The following EXOC4 variants were observed in gnomAD, a reference collection of about 807,000 sequenced individuals.
EXOC4 encodes exocyst complex component 4.
A neutral mutation model predicts 107.2 loss-of-function variants in EXOC4; 71 were observed. The observed-to-expected ratio is 0.66, with a 90% CI of 0.55 to 0.81. The LOEUF (loss-of-function observed/expected upper bound fraction) is 0.81, where lower values mean the gene tolerates loss of function less well. Among genes scored for constraint, EXOC4 ranks in the 30% least tolerant of loss-of-function variants. The pLI is 0.00. For missense variants in EXOC4, 1,108 were observed against 1,189.6 expected, an observed-to-expected ratio of 0.93 and a Z score of 1.01; for synonymous variants, 456 against 441.2, an observed-to-expected ratio of 1.03 and a Z score of -0.42.
At chr7:133,836,155 T>G (rs975814864) in intron 11 of EXOC4, among the ~76,000 whole-genome samples, 1 of 152,222 alleles carries the variant, frequency 6.6e-6, no homozygotes, top group Non-Finnish European at 1.5e-5. Flanking sequence ...ATGGGATAAT[T>G]ATTCTAAGTC....
intron 17 of EXOC4, among the ~76,000 whole-genome samples, chr7:134,048,390 A>C (rs142285585): frequency 6.6e-6 from 1 of 152,190 alleles, no homozygotes; most frequent in Non-Finnish European, 1.5e-5. Flanking sequence ...TTTAACTATA[A>C]GCTAAGTTTC....
At chr7:133,576,660 A>G (rs1000623871) in intron 9 of EXOC4, 5 of 1,289,766 alleles carry the variant, frequency 3.9e-6, no homozygotes, top group Non-Finnish European at 5.1e-6. Flanking sequence ...TTGAAAAAGA[A>G]ACAATCAGAA....
intron 6 of EXOC4, among the ~76,000 whole-genome samples, chr7:133,369,416 C>A (rs560425776): frequency 6.6e-6 from 1 of 152,254 alleles, no homozygotes; most frequent in Admixed American, 6.5e-5. Context: ...TCCACTGAAA[C>A]CCTTCTTGTC....
rs1258557449 is a variant in EXOC4 at position 133,406,238 on chromosome 7, A to T, written c.1182+31236A>T. The stretch of plus-strand genomic sequence containing the variant: ...AAACTTGAACCCAGGATAGGCTCCA[A>T]TTCCAAATCCCATGCCATTTTCTTA... On this transcript the variant is annotated intron_variant, in intron 7 of 17. Transcript: ENST00000253861. Among the ~76,000 whole-genome samples the T allele has an allele frequency of 2.6e-5, 4 of 152,348 alleles. No individual in the cohort carries two copies. In the East Asian group the frequency reaches 7.7e-4, roughly 29 times the overall value.
intron 9 of EXOC4, among the ~76,000 whole-genome samples, chr7:133,502,972 C>G (rs1404279392): frequency 6.6e-6 from 1 of 152,074 alleles, no homozygotes; most frequent in Non-Finnish European, 1.5e-5. Flanking sequence ...TCTTCATTGC[C>G]CTGTTTTCAT....
chr7:133,593,479 C>T (rs1454826805), intron 9 of EXOC4, among the ~76,000 whole-genome samples: 4 of 152,124 alleles, frequency 2.6e-5, no homozygotes, highest in South Asian at 4.1e-4. Flanking sequence ...GTAATTATAA[C>T]GTGTGCGATT....
rs1325227631 is a variant in EXOC4, at chr7:133,759,018, A to G, written c.1515-58307A>G. Among the ~76,000 whole-genome samples, 7 of 152,356 alleles carry G rather than the reference A, an allele frequency of 4.6e-5. No homozygotes were observed. The South Asian group carries it at 1.2e-3, about 27-fold the overall frequency. On this transcript the variant is annotated intron_variant, in intron 10 of 17. Transcript: ENST00000253861. ...GGAGAGGGACCACTATCATGTGGACAGAGTAGACAGTTTTAAATGTGATGA... is the reference window on the plus strand; with the variant it reads ...GGAGAGGGACCACTATCATGTGGACGGAGTAGACAGTTTTAAATGTGATGA...
chr7:134,000,033 G>A (rs1254613148), intron 15 of EXOC4, among the ~76,000 whole-genome samples: 1 of 152,200 alleles, frequency 6.6e-6, no homozygotes, highest in Non-Finnish European at 1.5e-5. Flanking sequence ...AGCCCTGGAT[G>A]TAGAATTATC....
chr7:133,736,204 A>C (rs917430723), intron 10 of EXOC4, among the ~76,000 whole-genome samples: 2 of 152,242 alleles, frequency 1.3e-5, no homozygotes, highest in African/African-American at 4.8e-5. Flanking sequence ...AGATCCTCTC[A>C]AGATACTCTT....
At chr7:133,768,554 T>A (rs1282634550) in intron 10 of EXOC4, 1 of 151,930 alleles carries the variant, frequency 6.6e-6, no homozygotes, top group Non-Finnish European at 1.5e-5. Context: ...CAAGATTAGT[T>A]AATGAACCTT....
At chr7:133,477,514 T>C (rs1439574488) in intron 8 of EXOC4, among the ~76,000 whole-genome samples, 1 of 152,224 alleles carries the variant, frequency 6.6e-6, no homozygotes, top group Admixed American at 6.5e-5. Flanking sequence ...TGAGTAACAT[T>C]CCTTTGTGTG....
At chr7:133,290,372 A>T (rs925736070) in intron 3 of EXOC4, among the ~76,000 whole-genome samples, 1 of 152,212 alleles carries the variant, frequency 6.6e-6, no homozygotes, top group African/African-American at 2.4e-5. Context: ...TCAGCATCTT[A>T]TTCAAAGTGG....
intron 13 of EXOC4, among the ~76,000 whole-genome samples, chr7:133,931,297 CAATA>C (rs34672656): frequency 0.46 from 69,897 of 151,336 alleles, 17,298 homozygotes; most frequent in African/African-American, 0.64. Flanking sequence ...AATAGTGGCT[CAATA>C]AATACTTGTT....
chr7:134,011,712 G>A (rs1367378131), intron 17 of EXOC4, among the ~76,000 whole-genome samples: 2 of 151,288 alleles, frequency 1.3e-5, no homozygotes, highest in Admixed American at 1.3e-4. Flanking sequence ...TTGCATTACT[G>A]TGGGGCAAGA....
At chr7:133,276,417 C>A (rs1793992942) in intron 2 of EXOC4, among the ~76,000 whole-genome samples, 1 of 152,158 alleles carries the variant, frequency 6.6e-6, no homozygotes, top group South Asian at 2.1e-4. Context: ...TTATTGAACA[C>A]TGATTCTTTG....
intron 10 of EXOC4, among the ~76,000 whole-genome samples, chr7:133,748,232 T>A (rs1795718316): frequency 6.6e-6 from 1 of 152,188 alleles, no homozygotes; most frequent in East Asian, 1.9e-4. Flanking sequence ...TCTACCATGA[T>A]AGTTAATACT....
intron 9 of EXOC4, among the ~76,000 whole-genome samples, chr7:133,489,224 G>A (rs912805102): frequency 1.3e-5 from 2 of 151,950 alleles, no homozygotes; most frequent in Non-Finnish European, 2.9e-5. Flanking sequence ...ATCTCGTGGG[G>A]ATTCAAAGAT....
chr7:133,686,061 A>G (rs1301497897), intron 10 of EXOC4, among the ~76,000 whole-genome samples: 2 of 152,064 alleles, frequency 1.3e-5, no homozygotes, highest in Non-Finnish European at 2.9e-5. Context: ...TTCGTGGATT[A>G]ATGGGTTATC....
intron 7 of EXOC4, among the ~76,000 whole-genome samples, chr7:133,420,388 T>G (rs1797577534): frequency 6.6e-6 from 1 of 152,110 alleles, no homozygotes; most frequent in Non-Finnish European, 1.5e-5. Context: ...CAGAGTCTGC[T>G]TCTAAGCTCC....
Sources: allele counts gnomAD v4.1 joint callset (sites outside exome capture counted in the v4.1 genomes callset), GRCh38; gene constraint gnomAD v4.1.1; transcripts MANE v1.5; gene names NCBI Gene and HGNC (gene_info 2026-07-23, HGNC 2026-07-21).